The following CSTF3 variants were observed in gnomAD, a reference collection of about 807,000 sequenced individuals.
The protein encoded by CSTF3 is cleavage stimulation factor subunit 3.
A neutral mutation model predicts 105.8 loss-of-function variants in CSTF3; 29 were observed. The observed-to-expected ratio is 0.27, with a 90% CI of 0.20 to 0.37. CSTF3 has a LOEUF of 0.37. Among genes scored for constraint, CSTF3 ranks in the 10% least tolerant of loss-of-function variants. The pLI is 1.00. For missense variants in CSTF3, 357 were observed against 879.3 expected (o/e 0.41, Z 7.51); for synonymous variants, 252 against 281.9 (o/e 0.89, Z 1.06).
chr11:33,148,662 C>G (rs1855815294), intron 1 of CSTF3, among the ~76,000 whole-genome samples: 1 of 151,404 alleles, frequency 6.6e-6, no homozygotes, highest in Non-Finnish European at 1.5e-5. Context: ...CGCCACAGCA[C>G]TCCAACCTGG....
At chr11:33,161,194 G>T in intron 1 of CSTF3, 105 bp downstream of exon 1, 1 of 1,252,040 alleles carries the variant, frequency 8.0e-7, no homozygotes, top group African/African-American at 1.5e-5. Context: ...TGTCCCCCGG[G>T]TTCACTAGAC....
At chr11:33,144,248 T>C (rs949363861) in intron 1 of CSTF3, among the ~76,000 whole-genome samples, 29 of 152,198 alleles carry the variant, frequency 1.9e-4, no homozygotes, top group Non-Finnish European at 3.7e-4. Flanking sequence ...ATAAACTCTT[T>C]TCTTTGGAAT....
At chr11:33,108,555 A>T (rs995662073) in intron 3 of CSTF3, 137 bp from the exon 4 acceptor site, 3 of 584,386 alleles carry the variant, frequency 5.1e-6, no homozygotes, top group Non-Finnish European at 7.7e-6. Context: ...TTCAAAAATA[A>T]CAGAAGTGTG....
intron 3 of CSTF3, among the ~76,000 whole-genome samples, chr11:33,121,932 A>G (rs113099654): frequency 1.3e-5 from 2 of 152,228 alleles, no homozygotes; most frequent in African/African-American, 4.8e-5. Flanking sequence ...ATTAACAACA[A>G]CAACAAGTTT....
chr11:33,122,038 C>T (rs1204168524), intron 3 of CSTF3, among the ~76,000 whole-genome samples: 1 of 152,178 alleles, frequency 6.6e-6, no homozygotes, highest in Non-Finnish European at 1.5e-5. Context: ...CATAAAACCA[C>T]TTTCTGTTCT....
intron 3 of CSTF3, among the ~76,000 whole-genome samples, chr11:33,111,208 C>G (rs930116925): frequency 1.1e-4 from 16 of 152,058 alleles, no homozygotes; most frequent in African/African-American, 3.9e-4. Context: ...CCAGCCCAGG[C>G]AAGAGACTCC....
At chr11:33,112,859 CATTA>C (rs973985851) in intron 3 of CSTF3, among the ~76,000 whole-genome samples, 2 of 152,092 alleles carry the variant, frequency 1.3e-5, no homozygotes, top group Non-Finnish European at 2.9e-5. Context: ...AACTTCCTGC[CATTA>C]ATCAATAGAA....
intron 3 of CSTF3, among the ~76,000 whole-genome samples, chr11:33,122,823 G>A (rs1195303684): frequency 2.6e-5 from 4 of 151,216 alleles, no homozygotes; most frequent in African/African-American, 9.7e-5. Context: ...GGCTGAAGTG[G>A]GGGGATTGCT....
At chr11:33,103,267 A>T in intron 8 of CSTF3, 83 bp from the exon 9 acceptor site, 2 of 584,864 alleles carry the variant, frequency 3.4e-6, no homozygotes, top group Non-Finnish European at 5.7e-6. Flanking sequence ...CATTTACTAA[A>T]TAACTTTAAA....
intron 1 of CSTF3, among the ~76,000 whole-genome samples, chr11:33,145,251 T>C (rs1198169966): frequency 1.3e-5 from 2 of 151,400 alleles, no homozygotes; most frequent in African/African-American, 4.9e-5. Context: ...ACCTCAGCAA[T>C]ATGGCGAAAC....
chr11:33,098,874 T>C, intron 12 of CSTF3, 110 bp from the exon 13 acceptor site: 1 of 1,286,184 alleles, frequency 7.8e-7, no homozygotes, highest in Non-Finnish European at 1.1e-6. Context: ...GCATCTCCAT[T>C]GAGCATAAAT....
chr11:33,131,637 G>A (rs1045633116), intron 3 of CSTF3, among the ~76,000 whole-genome samples: 16 of 151,994 alleles, frequency 1.1e-4, no homozygotes, highest in Admixed American at 2.0e-4. Flanking sequence ...ACGAGGTCAG[G>A]AGATCGAGAC....
At chr11:33,095,252 A>T (rs1299914787) in intron 15 of CSTF3, among the ~76,000 whole-genome samples, 1 of 152,170 alleles carries the variant, frequency 6.6e-6, no homozygotes, top group Admixed American at 6.5e-5. Context: ...TCTGTCATCC[A>T]GGCTAGATGG....
chr11:33,116,921 T>C (rs1387238782), intron 3 of CSTF3, among the ~76,000 whole-genome samples: 2 of 138,504 alleles, frequency 1.4e-5, no homozygotes, highest in Non-Finnish European at 3.1e-5. Context: ...AACAACAGAC[T>C]TTTTTTTTTT....
intron 1 of CSTF3, among the ~76,000 whole-genome samples, chr11:33,155,386 T>TAAAA (rs35704730): frequency 6.9e-6 from 1 of 144,450 alleles, no homozygotes; most frequent in Non-Finnish European, 1.5e-5. Flanking sequence ...ATAAAAAAAT[T>TAAAA]AAAAAAAAAA....
At chr11:33,144,297 G>C (rs1037916012) in intron 1 of CSTF3, among the ~76,000 whole-genome samples, 1 of 151,914 alleles carries the variant, frequency 6.6e-6, no homozygotes, top group Admixed American at 6.6e-5. Context: ...TACTTATTTA[G>C]AAAAAAAGAC....
chr11:33,102,039 G>C, intron 10 of CSTF3, 138 bp downstream of exon 10: 2 of 594,178 alleles, frequency 3.4e-6, no homozygotes, highest in Non-Finnish European at 5.8e-6. Context: ...TGAATATGGA[G>C]ATAGATCTAT....
At chr11:33,119,020 C>T (rs963420141) in intron 3 of CSTF3, among the ~76,000 whole-genome samples, 3 of 151,484 alleles carry the variant, frequency 2.0e-5, no homozygotes, top group African/African-American at 7.3e-5. Context: ...TCTAATCTCA[C>T]TTTTGTTTGC....
At chr11:33,117,679 G>T (rs1379334130) in intron 3 of CSTF3, among the ~76,000 whole-genome samples, 7 of 151,362 alleles carry the variant, frequency 4.6e-5, no homozygotes, top group Non-Finnish European at 7.4e-5. Flanking sequence ...ATATATATGA[G>T]GATGTTCATT....
Sources: gnomAD v4.1 joint callset for allele counts (sites outside exome capture counted in the v4.1 genomes callset) on GRCh38, gnomAD v4.1.1 for gene constraint, MANE v1.5 for transcripts, NCBI Gene and HGNC (gene_info 2026-07-23, HGNC 2026-07-21) for gene names.